The following RGS7 variants were observed in gnomAD, a reference collection of about 807,000 sequenced individuals.
RGS7 encodes the protein regulator of G protein signaling 7.
Under a neutral mutation model 81.1 loss-of-function variants are expected in RGS7, and 27 were observed. That is an observed-to-expected ratio of 0.33 (90% CI 0.25 to 0.46). RGS7 has a LOEUF of 0.46. RGS7 is among the 20% of genes least tolerant of loss of function. The pLI is 1.00. For missense variants in RGS7, 396 were observed against 607.4 expected, an observed-to-expected ratio of 0.65 and a Z score of 3.66; for synonymous variants, 208 against 207.7, an observed-to-expected ratio of 1.00 and a Z score of -0.01.
rs145183501 is a variant in RGS7, at chr1:241,078,485, A to ATATGTGTGTGTGTGTGTGTGTGTGTGTG, written c.175+20180_175+20181insCACACACACACACACACACACACACATA. ...CATAATGCACACACACACGTAAGTTATGTGTGTGTGTGTGTGTATATACAC... is the reference window on the plus strand; with the variant it reads ...CATAATGCACACACACACGTAAGTTATATGTGTGTGTGTGTGTGTGTGTGTGTGTGTGTGTGTGTGTGTGTATATACAC... On this transcript the variant is annotated intron_variant, in intron 3 of 18. Transcript: ENST00000440928. Among the ~76,000 whole-genome samples, 229 of 143,596 alleles carry ATATGTGTGTGTGTGTGTGTGTGTGTGTG rather than the reference A, an allele frequency of 1.6e-3. 2 individuals are homozygous for ATATGTGTGTGTGTGTGTGTGTGTGTGTG. Among genetic ancestry groups the ATATGTGTGTGTGTGTGTGTGTGTGTGTG allele is most frequent in the African/African-American group, 5.4e-3 (209 of 38,778 alleles). 94.2% of individuals were successfully genotyped at this position (143,596 alleles called of 152,430 possible). A position where few individuals can be genotyped will look rare whatever the true frequency, so the allele number is the denominator to read the frequency against.
At chr1:241,062,294 C>A (rs1251446603) in intron 3 of RGS7, among the ~76,000 whole-genome samples, 1 of 152,178 alleles carries the variant, frequency 6.6e-6, no homozygotes, top group East Asian at 1.9e-4. Flanking sequence ...CTGACCACAT[C>A]CCATCTCTCT....
chr1:241,096,224 G>T (rs2064243319), intron 3 of RGS7, among the ~76,000 whole-genome samples: 1 of 152,146 alleles, frequency 6.6e-6, no homozygotes, highest in Non-Finnish European at 1.5e-5. Flanking sequence ...AAAGAGCTGG[G>T]AAAGCCAGCA....
chr1:240,871,814 T>G (rs1664538725), intron 6 of RGS7, among the ~76,000 whole-genome samples: 1 of 152,220 alleles, frequency 6.6e-6, no homozygotes, highest in Non-Finnish European at 1.5e-5. Flanking sequence ...AATATCTAAT[T>G]GAATAATTTC....
At position 240,801,651 on chromosome 1, in the gene RGS7, A is replaced by T. The variant is rs950699565; in HGVS notation, c.1360-143T>A. ...CCATGTTCTAAATCAGAAGGCCCAT[A>T]GAGGTTGGAGAGCCGCCAAGGGAGG... On this transcript the variant is annotated intron_variant, in intron 16 of 18. Transcript: ENST00000440928. 2.9e-5 allele frequency: 20 copies of T among 700,096 alleles called. No individual in the cohort carries two copies. The African/African-American group carries it at 3.6e-4, about 13-fold the overall frequency. The allele number at this position is 700,096 out of a possible 1,614,324, so 43.4% of individuals were successfully genotyped here.
chr1:241,210,658 A>T (rs1558192635), intron 2 of RGS7, among the ~76,000 whole-genome samples: 1 of 152,206 alleles, frequency 6.6e-6, no homozygotes, highest in African/African-American at 2.4e-5. Flanking sequence ...TGGAATATTT[A>T]CTATGACTTT....
At chr1:240,839,029 T>G (rs1388330073) in intron 9 of RGS7, among the ~76,000 whole-genome samples, 2 of 152,218 alleles carry the variant, frequency 1.3e-5, no homozygotes, top group Non-Finnish European at 2.9e-5. Flanking sequence ...CCTCCCAAAG[T>G]GCTGGGATGA....
chr1:241,142,324 G>A (rs1165900277), intron 2 of RGS7, among the ~76,000 whole-genome samples: 1 of 152,190 alleles, frequency 6.6e-6, no homozygotes. Context: ...CTGTGTGGGG[G>A]CTCTGAACCT....
chr1:241,172,678 C>A (rs1400527241), intron 2 of RGS7, among the ~76,000 whole-genome samples: 1 of 152,160 alleles, frequency 6.6e-6, no homozygotes, highest in African/African-American at 2.4e-5. Context: ...TTGCTTGTGA[C>A]TTTGAAAACT....
chr1:241,197,842 A>C (rs2073190659), intron 2 of RGS7, among the ~76,000 whole-genome samples: 1 of 146,126 alleles, frequency 6.8e-6, no homozygotes, highest in Non-Finnish European at 1.5e-5. Context: ...AAAAAAAAAA[A>C]AAAAGATTGC....
chr1:241,184,982 A>AC (rs937713848), intron 2 of RGS7, among the ~76,000 whole-genome samples: 2 of 152,196 alleles, frequency 1.3e-5, no homozygotes, highest in African/African-American at 4.8e-5. Flanking sequence ...GCAAAAGAAA[A>AC]TATTATGGAA....
chr1:241,201,850 CTTTGGGATTCCAAAGTCAA>C (rs1250114370), intron 2 of RGS7, among the ~76,000 whole-genome samples: 1 of 152,134 alleles, frequency 6.6e-6, no homozygotes, highest in African/African-American at 2.4e-5. Context: ...GAATCCAAGA[CTTTGGGATTCCAAAGTCAA>C]TTTTCTTTAT....
Position 240,854,865 on chromosome 1 carries a change from C to G in RGS7, c.609+13722G>C, listed in dbSNP as rs143048053. Among the ~76,000 whole-genome samples the G allele has an allele frequency of 2.8e-3, 424 of 152,274 alleles. 2 individuals carry two copies. Among genetic ancestry groups the G allele is most frequent in the African/African-American group, 8.5e-3 (355 of 41,546 alleles). ...TCTGCTCAAAAGATGGGCAGAGTTT[C>G]TACATGTTGTCCCCTAAGTATGCAG... On this transcript the variant is annotated intron_variant, in intron 9 of 18. Coordinates refer to ENST00000440928, the MANE Select transcript of RGS7 (RefSeq NM_001364886.1).
intron 5 of RGS7, among the ~76,000 whole-genome samples, chr1:240,936,398 A>G (rs1676641455): frequency 1.3e-5 from 2 of 152,226 alleles, no homozygotes; most frequent in African/African-American, 4.8e-5. Context: ...GCTTTCACAC[A>G]TCATCTTGAC....
At chr1:241,066,870 T>C (rs4300204) in intron 3 of RGS7, among the ~76,000 whole-genome samples, 6,508 of 152,266 alleles carry the variant, frequency 0.043, 183 homozygotes, top group East Asian at 0.14. Context: ...TCAAAGAAGT[T>C]TGGTTGTCAA....
At chr1:241,241,979 G>A (rs535435128) in intron 2 of RGS7, among the ~76,000 whole-genome samples, 1 of 150,130 alleles carries the variant, frequency 6.7e-6, no homozygotes, top group African/African-American at 2.5e-5. Context: ...CATAGGTTTT[G>A]GGAAACAGGT....
rs147780940 is a variant in RGS7, at chr1:240,977,751, C to T, written c.226+5328G>A. 5.9e-5 allele frequency among the ~76,000 whole-genome samples: 9 copies of T among 152,302 alleles called. No individual in the cohort carries two copies. The East Asian group carries it at 1.7e-3, about 29-fold the overall frequency. Reference sequence around the variant, plus strand: ...CAGCAGAATATATGTGAGAAGGCGGCACAACACTTTGAATCCCATTCACTG... The same window carrying T: ...CAGCAGAATATATGTGAGAAGGCGGTACAACACTTTGAATCCCATTCACTG... On this transcript the variant is annotated intron_variant, in intron 4 of 18. Coordinates refer to ENST00000440928, the MANE Select transcript of RGS7 (RefSeq NM_001364886.1).
At chr1:240,881,311 G>A (rs764125640) in intron 6 of RGS7, among the ~76,000 whole-genome samples, 2 of 142,676 alleles carry the variant, frequency 1.4e-5, no homozygotes, top group Non-Finnish European at 3.0e-5. Flanking sequence ...AGAACACTTG[G>A]ACACAGGGAG....
intron 3 of RGS7, among the ~76,000 whole-genome samples, chr1:240,985,962 T>TAAAC (rs1162845726): frequency 1.4e-5 from 2 of 139,456 alleles, no homozygotes. Flanking sequence ...AATAAATAAA[T>TAAAC]AAATAAATAA....
At chr1:241,068,431 T>A (rs1389674220) in intron 3 of RGS7, among the ~76,000 whole-genome samples, 1 of 144,168 alleles carries the variant, frequency 6.9e-6, no homozygotes, top group African/African-American at 2.8e-5. Flanking sequence ...CCTGAGCATC[T>A]TCTATCAGCA....
Sources: gnomAD v4.1 joint callset for allele counts (sites outside exome capture counted in the v4.1 genomes callset) on GRCh38, gnomAD v4.1.1 for gene constraint, MANE v1.5 for transcripts, NCBI Gene and HGNC (gene_info 2026-07-23, HGNC 2026-07-21) for gene names.